The following CHCHD3 variants were observed in gnomAD, a reference collection of about 807,000 sequenced individuals.
The protein encoded by CHCHD3 is coiled-coil-helix-coiled-coil-helix domain containing 3.
A neutral mutation model predicts 38.2 loss-of-function variants in CHCHD3; 20 were observed. The ratio of observed to expected loss-of-function variants is 0.52; its 90% CI spans 0.37 to 0.76. The LOEUF (loss-of-function observed/expected upper bound fraction) is 0.76, where lower values mean the gene tolerates loss of function less well. Ranked by LOEUF, CHCHD3 falls within the 30% of genes least tolerant of loss-of-function variation. The pLI, the probability that CHCHD3 is intolerant of heterozygous loss-of-function variation, is 0.00. For missense variants in CHCHD3, 245 were observed against 279.2 expected (o/e 0.88, Z 0.87); for synonymous variants, 82 against 100.0 (o/e 0.82, Z 1.07).
intron 5 of CHCHD3, among the ~76,000 whole-genome samples, chr7:132,881,051 A>T (rs1473738381): frequency 1.3e-5 from 2 of 152,168 alleles, no homozygotes; most frequent in Non-Finnish European, 2.9e-5. Context: ...GCCATTGATA[A>T]CTTAGCAACA....
At chr7:133,069,306 G>A (rs1318057327) in intron 2 of CHCHD3, among the ~76,000 whole-genome samples, 1 of 149,864 alleles carries the variant, frequency 6.7e-6, no homozygotes, top group Non-Finnish European at 1.5e-5. Flanking sequence ...GATTAGTAAG[G>A]GGCGGGGCGG....
At chr7:132,933,980 G>A (rs1280915696) in intron 4 of CHCHD3, among the ~76,000 whole-genome samples, 1 of 152,184 alleles carries the variant, frequency 6.6e-6, no homozygotes, top group Non-Finnish European at 1.5e-5. Context: ...AACTTAATGG[G>A]TATTGCAGAA....
chr7:132,972,940 G>A, intron 4 of CHCHD3: 2 of 985,364 alleles, frequency 2.0e-6, no homozygotes, highest in Non-Finnish European at 2.4e-6. Flanking sequence ...AGATTTATTA[G>A]GTAAAACAGA....
At chr7:133,053,581 C>T (rs1584674849) in intron 2 of CHCHD3, among the ~76,000 whole-genome samples, 2 of 152,302 alleles carry the variant, frequency 1.3e-5, no homozygotes, top group East Asian at 3.9e-4. Context: ...TGAAGAACCA[C>T]CCACTTCCAC....
intron 5 of CHCHD3, among the ~76,000 whole-genome samples, chr7:132,854,574 A>C (rs976107229): frequency 5.3e-5 from 8 of 152,170 alleles, no homozygotes; most frequent in African/African-American, 1.9e-4. Context: ...AGTGGGGATT[A>C]ATTTTCAAAA....
At chr7:132,883,236 T>G (rs144207988) in intron 5 of CHCHD3, among the ~76,000 whole-genome samples, 1 of 152,314 alleles carries the variant, frequency 6.6e-6, no homozygotes, top group East Asian at 1.9e-4. Context: ...CCATGTACAA[T>G]GCTCTAGGTA....
At chr7:132,866,102 C>G (rs1236499866) in intron 5 of CHCHD3, among the ~76,000 whole-genome samples, 1 of 152,168 alleles carries the variant, frequency 6.6e-6, no homozygotes, top group Non-Finnish European at 1.5e-5. Context: ...AAAGGAGGAA[C>G]TTTCACCCAA....
rs551258680 is a variant in CHCHD3 at position 132,842,654 on chromosome 7, C to A, written c.454-4185G>T. On this transcript the variant is annotated intron_variant, in intron 5 of 7. Coordinates refer to ENST00000262570, the MANE Select transcript of CHCHD3 (RefSeq NM_017812.4). ...ATGACCTTGACACTTCTGAAGAATA[C>A]TGGTCAGATATTTTGTAGAGTGACT... 3.9e-5 allele frequency among the ~76,000 whole-genome samples: 6 copies of A among 152,314 alleles called. No homozygotes were observed. In the South Asian group the frequency reaches 1.2e-3, roughly 32 times the overall value.
At position 132,942,200 on chromosome 7, in the gene CHCHD3, C is replaced by T. The variant is rs921256355; in HGVS notation, c.369+32969G>A. On this transcript the variant is annotated intron_variant, in intron 4 of 7. Transcript: ENST00000262570. ...TGGAGAGAGGGAAGGGGCAGAAAGT[C>T]ACACGGGCAGGAGGAAAGGGGAATA... Among the ~76,000 whole-genome samples, 7 of 152,154 alleles carry T rather than the reference C, an allele frequency of 4.6e-5. No individual in the cohort carries two copies. In the South Asian group the frequency reaches 1.2e-3, roughly 27 times the overall value.
intron 5 of CHCHD3, among the ~76,000 whole-genome samples, chr7:132,859,545 AAGATCC>A (rs1808429345): frequency 6.6e-6 from 1 of 152,240 alleles, no homozygotes; most frequent in African/African-American, 2.4e-5. Context: ...TATATATTAC[AAGATCC>A]AGAATTAAAT....
Position 133,010,539 on chromosome 7 carries a change from T to C in CHCHD3, c.251+14007A>G, listed in dbSNP as rs561109964. On this transcript the variant is annotated intron_variant, in intron 3 of 7. Coordinates refer to ENST00000262570, the MANE Select transcript of CHCHD3 (RefSeq NM_017812.4). Reference sequence around the variant, plus strand: ...CGTAATTTAATATAAAATCCCTTTTTGGTACCTACTATATGACAGACAATG... The same window carrying C: ...CGTAATTTAATATAAAATCCCTTTTCGGTACCTACTATATGACAGACAATG... 2.6e-5 allele frequency among the ~76,000 whole-genome samples: 4 copies of C among 152,282 alleles called. No individual in the cohort carries two copies. The East Asian group carries it at 7.7e-4, about 29-fold the overall frequency.
chr7:132,853,019 G>A lies in CHCHD3; in HGVS notation c.454-14550C>T, dbSNP rs770926598. Among the ~76,000 whole-genome samples, 29 of 152,148 alleles carry A rather than the reference G, an allele frequency of 1.9e-4. 1 individual carries two copies. Among genetic ancestry groups the A allele is most frequent in the Non-Finnish European group, 3.7e-4 (25 of 68,028 alleles). On this transcript the variant is annotated intron_variant, in intron 5 of 7. Transcript: ENST00000262570. ...CTTGCTGTGCTCCTCAGCACCAGAT[G>A]AGCTGTAATTCCAGCAGAATCAAAT... is the stretch of plus-strand genomic sequence containing the variant.
rs578222076 is a variant in CHCHD3 at position 133,007,326 on chromosome 7, G to A, written c.251+17220C>T. ...GATTGTGCCCATGTCTTTAGTTATTGTCTCGTTCTCAGTCTCTTTTTGGAC... is the reference window on the plus strand; with the variant it reads ...GATTGTGCCCATGTCTTTAGTTATTATCTCGTTCTCAGTCTCTTTTTGGAC... On this transcript the variant is annotated intron_variant, in intron 3 of 7. Transcript: ENST00000262570. Among the ~76,000 whole-genome samples the A allele has an allele frequency of 8.5e-5, 13 of 152,304 alleles. No individual in the cohort carries two copies. The South Asian group carries it at 1.9e-3, about 22-fold the overall frequency.
intron 6 of CHCHD3, among the ~76,000 whole-genome samples, chr7:132,811,485 T>C (rs1213939474): frequency 2.6e-5 from 4 of 152,254 alleles, no homozygotes; most frequent in African/African-American, 9.6e-5. Flanking sequence ...GTGGCTACCA[T>C]GTTGTTGGAA....
intron 5 of CHCHD3, among the ~76,000 whole-genome samples, chr7:132,871,775 T>C (rs1808772181): frequency 6.6e-6 from 1 of 152,196 alleles, no homozygotes; most frequent in African/African-American, 2.4e-5. Flanking sequence ...CACAGGTACC[T>C]ACCATGCATA....
chr7:133,005,808 G>A (rs1228757247), intron 3 of CHCHD3, among the ~76,000 whole-genome samples: 3 of 152,114 alleles, frequency 2.0e-5, no homozygotes, highest in Non-Finnish European at 4.4e-5. Context: ...TTGATCTTAT[G>A]GCACAATTAT....
chr7:132,863,689 G>A (rs1211280220), intron 5 of CHCHD3, among the ~76,000 whole-genome samples: 1 of 152,210 alleles, frequency 6.6e-6, no homozygotes, highest in Non-Finnish European at 1.5e-5. Context: ...AAAATCTGTT[G>A]TTCAGTGTAG....
chr7:133,015,348 T>TTAAATAAATAAA (rs3049326), intron 3 of CHCHD3, among the ~76,000 whole-genome samples: 4,871 of 143,910 alleles, frequency 0.034, 99 homozygotes, highest in Non-Finnish European at 0.043. Context: ...GTCTCAAAAA[T>TTAAATAAATAAA]TAAATAAATA....
At chr7:133,055,732 A>G (rs540295059) in intron 2 of CHCHD3, among the ~76,000 whole-genome samples, 25 of 151,632 alleles carry the variant, frequency 1.6e-4, no homozygotes, top group African/African-American at 6.0e-4. Context: ...ATGTGAGTTT[A>G]GAGGAAGGCA....
Sources: allele counts gnomAD v4.1 joint callset (sites outside exome capture counted in the v4.1 genomes callset), GRCh38; gene constraint gnomAD v4.1.1; transcripts MANE v1.5; gene names NCBI Gene and HGNC (gene_info 2026-07-23, HGNC 2026-07-21).